Variants in PCDH15 observed in about 807,000 individuals in gnomAD.
PCDH15 encodes the protein protocadherin related 15.
PCDH15 carries 129 observed loss-of-function variants against 178.5 expected under a neutral mutation model. The observed-to-expected ratio is 0.72, with a 90% CI of 0.63 to 0.84. The LOEUF (loss-of-function observed/expected upper bound fraction) is 0.84. Ranked by LOEUF, PCDH15 falls within the 40% of genes least tolerant of loss-of-function variation. The pLI, the probability that PCDH15 is intolerant of heterozygous loss-of-function variation, is 0.00. For synonymous variants in PCDH15, 800 were observed against 732.0 expected (o/e 1.09, Z -1.50); for missense variants, 2,230 against 2,099.9 (o/e 1.06, Z -1.21).
rs562449087 is a variant in PCDH15, at chr10:55,189,553, GA to G, written c.-155-22903del. Among the ~76,000 whole-genome samples the G allele has an allele frequency of 2.4e-3, 363 of 151,882 alleles. 1 individual carries two copies. Among genetic ancestry groups the G allele is most frequent in the Admixed American group, 4.1e-3 (62 of 15,198 alleles). ...CTAGGGATTGTATTCACACTCTCCAGAACTTGATTTTGTTTTGAGGTGAGCA... is the reference window on the plus strand; with the variant it reads ...CTAGGGATTGTATTCACACTCTCCAGACTTGATTTTGTTTTGAGGTGAGCA... On this transcript the variant is annotated intron_variant, in intron 1 of 5. Transcript: ENST00000458638.
chr10:54,535,152 T>C (rs1374305450), intron 2 of PCDH15, among the ~76,000 whole-genome samples: 1 of 152,160 alleles, frequency 6.6e-6, no homozygotes, highest in Non-Finnish European at 1.5e-5. Context: ...TTATGTACCT[T>C]AGTGTCATTA....
In PCDH15 at chr10:54,717,349, G is replaced by A. The variant is rs1399695676; in HGVS notation, c.-28-53059C>T. Among the ~76,000 whole-genome samples, 138 of 121,998 alleles carry A rather than the reference G, an allele frequency of 1.1e-3. 3 individuals carry two copies. The highest frequency in any genetic ancestry group is 1.9e-3 in the Non-Finnish European group (113 of 58,382). The allele number at this position is 121,998 out of a possible 152,430, so 80.0% of individuals were successfully genotyped here. On this transcript the variant is annotated intron_variant, in intron 1 of 37. Transcript: ENST00000644397. ...ACCTACAAAATGGGAGAAAATTTTC[G>A]CAACCTACTCATCTGACAAAGGGCT...
intron 3 of PCDH15, among the ~76,000 whole-genome samples, chr10:54,414,747 C>CGG (rs1288104799): frequency 6.6e-6 from 1 of 151,800 alleles, no homozygotes; most frequent in Non-Finnish European, 1.5e-5. Context: ...AAACGAAGCC[C>CGG]AGAGAGTTTA....
At chr10:54,934,484 A>T (rs1837856366) in intron 2 of PCDH15, among the ~76,000 whole-genome samples, 1 of 152,164 alleles carries the variant, frequency 6.6e-6, no homozygotes, top group East Asian at 1.9e-4. Context: ...CATTTTATCC[A>T]TCATCACTGG....
At chr10:55,389,402 T>C (rs1837739167) in intron 2 of PCDH15, among the ~76,000 whole-genome samples, 1 of 152,126 alleles carries the variant, frequency 6.6e-6, no homozygotes, top group Non-Finnish European at 1.5e-5. Flanking sequence ...CTAAAGTATG[T>C]CTCTGTTATA....
At chr10:54,694,399 ATC>A (rs1222293067) in intron 1 of PCDH15, among the ~76,000 whole-genome samples, 2 of 152,100 alleles carry the variant, frequency 1.3e-5, no homozygotes, top group African/African-American at 4.8e-5. Context: ...AGTTTAGAAA[ATC>A]TATGGAATAA....
chr10:53,961,016 A>G (rs2088243112), intron 22 of PCDH15, among the ~76,000 whole-genome samples: 1 of 152,174 alleles, frequency 6.6e-6, no homozygotes, highest in Non-Finnish European at 1.5e-5. Context: ...AATATGTAAA[A>G]AACAAAAGAG....
At chr10:55,183,786 C>T (rs1839718467) in intron 1 of PCDH15, among the ~76,000 whole-genome samples, 1 of 151,782 alleles carries the variant, frequency 6.6e-6, no homozygotes, top group South Asian at 2.1e-4. Flanking sequence ...GGGATGACCA[C>T]ACGTTTTGTT....
chr10:54,600,175 G>A, intron 2 of PCDH15: 1 of 662,278 alleles, frequency 1.5e-6, no homozygotes, highest in East Asian at 3.2e-5. Context: ...CATGGAGGAG[G>A]CAGTCACCAT....
chr10:55,368,779 C>T (rs918940930), intron 2 of PCDH15, among the ~76,000 whole-genome samples: 2 of 151,984 alleles, frequency 1.3e-5, no homozygotes, highest in African/African-American at 4.8e-5. Context: ...ACTCTTTTGA[C>T]ACTTGAATCA....
intron 4 of PCDH15, among the ~76,000 whole-genome samples, chr10:54,373,099 G>A (rs1363599854): frequency 6.6e-6 from 1 of 151,586 alleles, no homozygotes; most frequent in Non-Finnish European, 1.5e-5. Context: ...TTTTTATAGG[G>A]GATTTGTTGA....
In PCDH15 at chr10:54,185,288, C is replaced by A. The variant is rs531081800; in HGVS notation, c.1306-20G>T. The A allele has an allele frequency of 6.2e-7, 1 of 1,612,660 alleles. No homozygotes were observed. The highest frequency in any genetic ancestry group is 8.5e-7 in the Non-Finnish European group (1 of 1,179,026). On this transcript the variant is annotated intron_variant, in intron 11 of 37. Transcript: ENST00000644397. ...TTTTGTCTTTGAAAAAAAATGACAT[C>A]GTTTCAAACGTTGAATAAATAATGT...
chr10:55,416,355 C>T (rs1215512933), intron 2 of PCDH15, among the ~76,000 whole-genome samples: 1 of 151,634 alleles, frequency 6.6e-6, no homozygotes, highest in East Asian at 1.9e-4. Flanking sequence ...TGTAAGTAAG[C>T]CTTGCTATCC....
At chr10:54,712,504 T>A (rs16906434) in intron 1 of PCDH15, among the ~76,000 whole-genome samples, 20,015 of 151,760 alleles carry the variant, frequency 0.13, 1,403 homozygotes, top group East Asian at 0.25. Context: ...AAAGTTTGAG[T>A]GCTATAGAAA....
intron 26 of PCDH15, among the ~76,000 whole-genome samples, chr10:53,880,614 T>C (rs931487739): frequency 3.3e-5 from 5 of 152,126 alleles, no homozygotes; most frequent in African/African-American, 1.2e-4. Context: ...TAAAAAAACC[T>C]TTCTTATTGC....
intron 2 of PCDH15, among the ~76,000 whole-genome samples, chr10:54,559,852 A>G (rs2087831246): frequency 1.0e-5 from 1 of 98,362 alleles, no homozygotes; most frequent in Non-Finnish European, 2.2e-5. Flanking sequence ...TCTTATAGTA[A>G]AAAAAAAAAA....
chr10:55,354,468 CCGA>C (rs1845023352), intron 2 of PCDH15, among the ~76,000 whole-genome samples: 1 of 152,036 alleles, frequency 6.6e-6, no homozygotes, highest in Non-Finnish European at 1.5e-5. Flanking sequence ...GTTTGGGTTA[CCGA>C]CGACCTCATA....
At chr10:53,941,329 C>T (rs2086046663) in intron 23 of PCDH15, among the ~76,000 whole-genome samples, 1 of 152,022 alleles carries the variant, frequency 6.6e-6, no homozygotes, top group African/African-American at 2.4e-5. Context: ...TATATTCATC[C>T]CTCCCCTCAA....
chr10:54,729,872 A>G (rs1347897855), intron 1 of PCDH15, among the ~76,000 whole-genome samples: 1 of 151,684 alleles, frequency 6.6e-6, no homozygotes, highest in Non-Finnish European at 1.5e-5. Flanking sequence ...AACGCTCAGA[A>G]TGACTATTAT....
Sources: allele counts gnomAD v4.1 joint callset (sites outside exome capture counted in the v4.1 genomes callset), GRCh38; gene constraint gnomAD v4.1.1; transcripts MANE v1.5; gene names NCBI Gene and HGNC (gene_info 2026-07-23, HGNC 2026-07-21).